SKI: variants seen among roughly 807,000 people sequenced by gnomAD.
SKI encodes ski oncogene.
SKI carries 23 observed loss-of-function variants against 59.3 expected under a neutral mutation model. The observed-to-expected ratio is 0.39, with a 90% CI of 0.28 to 0.55. The LOEUF (loss-of-function observed/expected upper bound fraction) is 0.55, where lower values mean the gene tolerates loss of function less well. SKI is among the 20% of genes least tolerant of loss of function. The probability of loss-of-function intolerance (pLI) is 0.67; values close to 1 mark genes in which losing one functional copy is unlikely to be tolerated. For synonymous variants in SKI, 673 were observed against 488.6 expected, an observed-to-expected ratio of 1.38 and a Z score of -4.98; for missense variants, 1,017 against 1,038.9, an observed-to-expected ratio of 0.98 and a Z score of 0.29.
At position 2,268,870 on chromosome 1, in the gene SKI, G is replaced by C. The variant is rs561874837; in HGVS notation, c.970-34108G>C. On this transcript the variant is annotated intron_variant, in intron 1 of 6. Coordinates refer to ENST00000378536, the MANE Select transcript of SKI (RefSeq NM_003036.4). The surrounding 1 kb of genome is among the most constrained non-coding windows in gnomAD (Gnocchi z 5.0). ...CTTCTTCCCTCCCTCCCTCCCTTCT[G>C]CCTTTCCCCTTTATCCTTTCCCCCC... Among the ~76,000 whole-genome samples, 1 of 138,178 alleles carries C rather than the reference G, an allele frequency of 7.2e-6. No individual in the cohort carries two copies. Among genetic ancestry groups the C allele is most frequent in the African/African-American group, 2.7e-5 (1 of 36,448 alleles). The allele number at this position is 138,178 out of a possible 152,430, so 90.7% of individuals were successfully genotyped here.
chr1:2,305,543 G>A (rs752833200), intron 5 of SKI, among the ~76,000 whole-genome samples: 7 of 152,226 alleles, frequency 4.6e-5, no homozygotes, highest in Non-Finnish European at 1.0e-4. Flanking sequence ...TGTTTGCAGC[G>A]TGGGGTGTGA....
chr1:2,269,505 G>T lies in SKI; in HGVS notation c.970-33473G>T, dbSNP rs751360293. On this transcript the variant is annotated intron_variant, in intron 1 of 6. Coordinates refer to ENST00000378536, the MANE Select transcript of SKI (RefSeq NM_003036.4). This position sits in a 1 kb window ranked among gnomAD's most constrained non-coding sequence, Gnocchi z 4.7. The stretch of plus-strand genomic sequence containing the variant: ...GCCTTCTGTGAAGCAAAGCCGTTTT[G>T]CAGGCTGGGTTCATCCCCGTTCCAG... 5.9e-5 allele frequency among the ~76,000 whole-genome samples: 9 copies of T among 152,274 alleles called. No individual in the cohort carries two copies. The highest frequency in any genetic ancestry group is 8.8e-5 in the Non-Finnish European group (6 of 68,050).
In SKI at chr1:2,306,173, C is replaced by T; in HGVS notation, c.1921C>T (p.Leu641=). The change falls in exon 6 of 7, where the codon CTG becomes TTG. Residue 641 remains leucine, a synonymous_variant. Transcript: ENST00000378536. ...NESRLRLKRE[L]EQARQARVCD... ...GTCACGGCTGCGCCTGAAGCGGGAG[C>T]TGGAGCAGGCGCGGCAGGCCCGGGT... The T allele has an allele frequency of 6.3e-7, 1 of 1,591,300 alleles. No homozygotes were observed. Among genetic ancestry groups the T allele is most frequent in the Non-Finnish European group, 8.5e-7 (1 of 1,169,894 alleles).
At chr1:2,281,126 T>A (rs3104175) in intron 1 of SKI, among the ~76,000 whole-genome samples, 3 of 51,966 alleles carry the variant, frequency 5.8e-5, no homozygotes, top group Non-Finnish European at 7.5e-5. Context: ...AGAGAGAGGA[T>A]GCCCGAGAAG....
rs1278980956 is a variant in SKI at position 2,306,664 on chromosome 1, G to C, written c.2086G>C (p.Glu696Gln). ...ADLLREREAR[E>Q]HLEKVVKELQ... ...CCTGCTGCGGGAGCGCGAGGCCCGG[G>C]AGCACCTGGAGAAGGTGGTGAAGGA... Residue 696 changes from glutamate to glutamine, a missense_variant, in exon 7 of 7, where the codon GAG becomes CAG. Coordinates refer to ENST00000378536, the MANE Select transcript of SKI (RefSeq NM_003036.4). The C allele has an allele frequency of 6.5e-7, 1 of 1,545,172 alleles. No homozygotes were observed. Among genetic ancestry groups the C allele is most frequent in the South Asian group, 1.2e-5 (1 of 83,812 alleles).
intron 1 of SKI, among the ~76,000 whole-genome samples, chr1:2,273,625 G>T (rs972032784): frequency 2.0e-5 from 3 of 152,184 alleles, no homozygotes; most frequent in African/African-American, 7.2e-5. Flanking sequence ...CTGACCTGGT[G>T]GGGGGTAAGA....
intron 1 of SKI, among the ~76,000 whole-genome samples, chr1:2,238,801 C>T (rs996494903): frequency 5.3e-5 from 8 of 152,232 alleles, no homozygotes; most frequent in Non-Finnish European, 1.2e-4. Flanking sequence ...CCGCTGTCAG[C>T]GGGCCAGGCC....
intron 1 of SKI, among the ~76,000 whole-genome samples, chr1:2,253,452 G>T (rs1639205588): frequency 6.6e-6 from 1 of 152,216 alleles, no homozygotes; most frequent in Non-Finnish European, 1.5e-5. Context: ...GGAGAAGCCT[G>T]GCCACTTGTG....
At chr1:2,273,205 A>G (rs1347629420) in intron 1 of SKI, among the ~76,000 whole-genome samples, 1 of 151,924 alleles carries the variant, frequency 6.6e-6, no homozygotes, top group Admixed American at 6.6e-5. Flanking sequence ...TCCAAGCCCC[A>G]TGCTTCTCCC....
Position 2,229,107 on chromosome 1 carries a change from T to C in SKI, c.341T>C (p.Val114Ala), listed in dbSNP as rs757751828. Residue 114 changes from valine (V) to alanine (A), a missense_variant, in exon 1 of 7, where the codon GTG (valine) becomes GCG (alanine). Physicochemically the swap from Val to Ala is moderately conservative, Grantham distance 64. Transcript: ENST00000378536. The surrounding 1 kb of genome is among the most constrained non-coding windows in gnomAD (Gnocchi z 6.3). ...VLEGETISCF[V>A]VGGEKRLCLP... ...GAAGGCGAGACCATCTCGTGCTTCGTGGTGGGAGGCGAGAAGCGCCTGTGT... is the reference window on the plus strand; with the variant it reads ...GAAGGCGAGACCATCTCGTGCTTCGCGGTGGGAGGCGAGAAGCGCCTGTGT... 3.7e-6 allele frequency: 6 copies of C among 1,610,068 alleles called. No homozygotes were observed. Among genetic ancestry groups the C allele is most frequent in the Non-Finnish European group, 4.2e-6 (5 of 1,179,822 alleles).
intron 1 of SKI, among the ~76,000 whole-genome samples, chr1:2,297,915 AG>A (rs923345130): frequency 6.6e-6 from 1 of 152,164 alleles, no homozygotes. Flanking sequence ...GAAGACGCTG[AG>A]GGGACGCACG....
At chr1:2,294,788 T>C (rs1157684201) in intron 1 of SKI, among the ~76,000 whole-genome samples, 1 of 152,140 alleles carries the variant, frequency 6.6e-6, no homozygotes, top group East Asian at 1.9e-4. Context: ...CAGGCCCCCG[T>C]CTGCCAGTCT....
intron 1 of SKI, among the ~76,000 whole-genome samples, chr1:2,260,515 T>C (rs1639361124): frequency 1.3e-5 from 2 of 150,524 alleles, no homozygotes; most frequent in African/African-American, 2.5e-5. Context: ...TGGGATCCAA[T>C]TTTTCAGTTT....
chr1:2,305,979 G>GC lies in SKI; in HGVS notation c.1768-41_1768-40insC, dbSNP rs900521893. On this transcript the variant is annotated intron_variant, in intron 5 of 6. Coordinates refer to ENST00000378536, the MANE Select transcript of SKI (RefSeq NM_003036.4). ...CTGGTCATGGTGAGGGGTGTGCTGG[G>GC]ACCGGCTGGGCAGTGACCCCGAGCC... 7.6e-6 allele frequency: 11 copies of GC among 1,452,316 alleles called. No homozygotes were observed. The African/African-American group carries it at 1.5e-4, about 20-fold the overall frequency. 90.0% of individuals were successfully genotyped at this position (1,452,316 alleles called of 1,614,324 possible).
chr1:2,274,263 A>G (rs1392880821), intron 1 of SKI, among the ~76,000 whole-genome samples: 8 of 152,110 alleles, frequency 5.3e-5, no homozygotes, highest in Non-Finnish European at 1.2e-4. Context: ...CAAACTTTTC[A>G]TCAGTCTTTG....
chr1:2,306,381 C>G, intron 6 of SKI, 131 bp downstream of exon 6: 1 of 1,019,988 alleles, frequency 9.8e-7, no homozygotes, highest in Non-Finnish European at 1.4e-6. Context: ...TCCGTGCGTG[C>G]CCCCCCGACG....
In SKI at chr1:2,255,277, C is replaced by T. The variant is rs539965889; in HGVS notation, c.969+25542C>T. ...TGTGACAAGCACTATGGTGCTTGAC[C>T]TCAGTCCAGCTGCTTAGACCTGTAC... On this transcript the variant is annotated intron_variant, in intron 1 of 6. Transcript: ENST00000378536. Among the ~76,000 whole-genome samples, 9 of 152,196 alleles carry T rather than the reference C, an allele frequency of 5.9e-5. No individual in the cohort carries two copies. The South Asian group carries it at 1.9e-3, about 32-fold the overall frequency.
intron 1 of SKI, among the ~76,000 whole-genome samples, chr1:2,256,258 C>T (rs1400700369): frequency 6.6e-6 from 1 of 152,150 alleles, no homozygotes; most frequent in African/African-American, 2.4e-5. Flanking sequence ...GACCTCATTT[C>T]CTGTCTGGAG....
chr1:2,290,475 G>A (rs1640137112), intron 1 of SKI, among the ~76,000 whole-genome samples: 1 of 152,208 alleles, frequency 6.6e-6, no homozygotes, highest in African/African-American at 2.4e-5. Flanking sequence ...CTGAGATGAG[G>A]CCCCAGGGCC....
Sources: allele counts gnomAD v4.1 joint callset (sites outside exome capture counted in the v4.1 genomes callset), GRCh38; gene constraint gnomAD v4.1.1; non-coding constraint Gnocchi (gnomAD v3.1); transcripts MANE v1.5; gene names NCBI Gene and HGNC (gene_info 2026-07-23, HGNC 2026-07-21).